Variants in STRBP observed in about 807,000 individuals in gnomAD.
STRBP encodes the protein spermatid perinuclear RNA binding protein, also known as spermatid perinuclear RNA-binding protein.
STRBP carries 13 observed loss-of-function variants against 80.1 expected under a neutral mutation model. The ratio of observed to expected loss-of-function variants is 0.16; its 90% CI spans 0.11 to 0.26. The LOEUF (loss-of-function observed/expected upper bound fraction) is 0.26. Among genes scored for constraint, STRBP ranks in the 10% least tolerant of loss-of-function variants. The pLI is 1.00. For synonymous variants in STRBP, 284 were observed against 291.2 expected, an observed-to-expected ratio of 0.98 and a Z score of 0.25; for missense variants, 485 against 815.2, an observed-to-expected ratio of 0.59 and a Z score of 4.93.
Position 123,124,532 on chromosome 9 carries a change from C to T in STRBP, c.*1065G>A. 4 of 985,334 alleles carry T rather than the reference C, an allele frequency of 4.1e-6. No individual in the cohort carries two copies. Among genetic ancestry groups the T allele is most frequent in the Non-Finnish European group, 4.8e-6 (4 of 829,918 alleles). 61.0% of individuals were successfully genotyped at this position (985,334 alleles called of 1,614,324 possible). A position where few individuals can be genotyped will look rare whatever the true frequency, so the allele number is the denominator to read the frequency against. On this transcript the variant is annotated 3_prime_UTR_variant, in exon 19 of 19. Coordinates refer to ENST00000348403, the MANE Select transcript of STRBP (RefSeq NM_018387.5). The stretch of plus-strand genomic sequence containing the variant: ...AGCACTCAACAAGAACTGGGACAAT[C>T]GAAGAGCAAGTTTTTATGGGGACCC...
At chr9:123,176,787 T>C (rs779706984) in intron 4 of STRBP, among the ~76,000 whole-genome samples, 5 of 152,208 alleles carry the variant, frequency 3.3e-5, no homozygotes, top group Non-Finnish European at 5.9e-5. Flanking sequence ...AATTGGAACA[T>C]AGCAGTTATT....
chr9:123,186,189 TAAC>T (rs1383805187), intron 2 of STRBP, among the ~76,000 whole-genome samples: 4 of 151,442 alleles, frequency 2.6e-5, no homozygotes, highest in Non-Finnish European at 4.4e-5. Flanking sequence ...CCAAAAAAAT[TAAC>T]AACAAATTAG....
rs746445927 is a variant in STRBP, at chr9:123,115,998, C to T, written c.*15G>A. ...CCTTAACCTTCTGGTCCTTCCATCT[C>T]ATTTCAAGGTGCTTTCAGCTTTCCT... On this transcript the variant is annotated 3_prime_UTR_variant and NMD_transcript_variant, in exon 3 of 4. Transcript: ENST00000471564. The surrounding 1 kb of genome is among the most constrained non-coding windows in gnomAD (Gnocchi z 5.0). The T allele has an allele frequency of 1.5e-5, 7 of 456,200 alleles. No homozygotes were observed. The highest frequency in any genetic ancestry group is 2.6e-5 in the Non-Finnish European group (6 of 226,972). 28.3% of individuals were successfully genotyped at this position (456,200 alleles called of 1,614,324 possible). A position where few individuals can be genotyped will look rare whatever the true frequency, so the allele number is the denominator to read the frequency against.
intron 2 of STRBP, among the ~76,000 whole-genome samples, chr9:123,235,127 T>C (rs1456518349): frequency 2.0e-5 from 3 of 151,752 alleles, no homozygotes; most frequent in Non-Finnish European, 4.4e-5. Flanking sequence ...CCTGAAAGTG[T>C]TTTTCCATCA....
chr9:123,256,701 A>G (rs1330985111), intron 1 of STRBP, among the ~76,000 whole-genome samples: 3 of 152,142 alleles, frequency 2.0e-5, no homozygotes, highest in Non-Finnish European at 4.4e-5. Context: ...CACCAATCCT[A>G]GACAGAACAC....
intron 2 of STRBP, among the ~76,000 whole-genome samples, chr9:123,206,547 G>A (rs776034842): frequency 1.3e-5 from 2 of 152,152 alleles, no homozygotes; most frequent in Non-Finnish European, 1.5e-5. Context: ...TATTGAAAAT[G>A]AATGACAGGG....
At chr9:123,268,173 G>A (rs1210216560) in intron 1 of STRBP, among the ~76,000 whole-genome samples, 2 of 151,852 alleles carry the variant, frequency 1.3e-5, no homozygotes, top group African/African-American at 4.8e-5. Context: ...CCCCGCGAAG[G>A]TGAGGAAGGC....
At chr9:123,242,557 G>A (rs1302099908) in intron 1 of STRBP, among the ~76,000 whole-genome samples, 3 of 152,168 alleles carry the variant, frequency 2.0e-5, no homozygotes, top group African/African-American at 7.2e-5. Flanking sequence ...CTACTCAGGA[G>A]GCTGAGGCAG....
chr9:123,251,985 T>A (rs970714149), intron 1 of STRBP, among the ~76,000 whole-genome samples: 3 of 152,064 alleles, frequency 2.0e-5, no homozygotes, highest in Non-Finnish European at 4.4e-5. Flanking sequence ...GGGATTGCTA[T>A]AAGGGAGCAA....
chr9:123,194,303 C>T (rs1394834607), intron 2 of STRBP, among the ~76,000 whole-genome samples: 2 of 152,002 alleles, frequency 1.3e-5, no homozygotes, highest in African/African-American at 4.8e-5. Context: ...ATGAACTGTC[C>T]CCATTCCTAT....
At chr9:123,139,387 C>A in intron 14 of STRBP, 142 bp downstream of exon 14, 3 of 711,694 alleles carry the variant, frequency 4.2e-6, no homozygotes, top group South Asian at 3.1e-5. Context: ...GGAAATAAAC[C>A]AAAATAATAA....
chr9:123,236,557 T>C (rs890549339), intron 2 of STRBP, among the ~76,000 whole-genome samples: 1 of 152,004 alleles, frequency 6.6e-6, no homozygotes, highest in East Asian at 1.9e-4. Flanking sequence ...ATGATAGTAA[T>C]TTGCCAGCAT....
At chr9:123,116,778 C>T (rs563124027), downstream of STRBP, among the ~76,000 whole-genome samples, 19 of 152,152 alleles carry the variant, frequency 1.2e-4, no homozygotes, top group African/African-American at 2.7e-4. Flanking sequence ...TAGCCTCAGA[C>T]GGGGTGAGCG....
At chr9:123,228,622 T>A (rs2040312514) in intron 2 of STRBP, among the ~76,000 whole-genome samples, 1 of 152,168 alleles carries the variant, frequency 6.6e-6, no homozygotes, top group Non-Finnish European at 1.5e-5. Flanking sequence ...CACTTTGATG[T>A]TACTAATGAC....
rs554065215 is a variant in STRBP, at chr9:123,157,928, C to G, written c.1045+84G>C. ...GATTTGGATGCACAATTATTAAGTT[C>G]CCTAAGTTGTAATGAGAGATGAATC... On this transcript the variant is annotated intron_variant, in intron 11 of 18. Coordinates refer to ENST00000348403, the MANE Select transcript of STRBP (RefSeq NM_018387.5). 11 of 1,001,988 alleles carry G rather than the reference C, an allele frequency of 1.1e-5. No homozygotes were observed. The South Asian group carries it at 1.6e-4, about 14-fold the overall frequency. The allele number at this position is 1,001,988 out of a possible 1,614,324, so 62.1% of individuals were successfully genotyped here.
chr9:123,250,637 T>A (rs539858416), intron 1 of STRBP, among the ~76,000 whole-genome samples: 32 of 152,332 alleles, frequency 2.1e-4, no homozygotes, highest in African/African-American at 7.7e-4. Flanking sequence ...GAATGAACCA[T>A]GTCAACACTG....
chr9:123,194,367 C>G (rs1439304397), intron 2 of STRBP, among the ~76,000 whole-genome samples: 1 of 152,140 alleles, frequency 6.6e-6, no homozygotes, highest in Non-Finnish European at 1.5e-5. Flanking sequence ...CTTTTGCCTA[C>G]TTGGGATGTC....
At chr9:123,200,762 TAG>T (rs2039295309) in intron 2 of STRBP, among the ~76,000 whole-genome samples, 14 of 133,544 alleles carry the variant, frequency 1.0e-4, no homozygotes, top group African/African-American at 2.6e-4. Context: ...TTTTTTTTTT[TAG>T]TAGAGACCAG....
chr9:123,113,286 CCT>C (rs2035596868), intron 3 of STRBP: 1 of 167,372 alleles, frequency 6.0e-6, no homozygotes, highest in Admixed American at 6.5e-5. Context: ...AGTCCACACC[CCT>C]GAGCCTGGCC....
Sources: gnomAD v4.1 joint callset for allele counts (sites outside exome capture counted in the v4.1 genomes callset) on GRCh38, gnomAD v4.1.1 for gene constraint, Gnocchi (gnomAD v3.1) non-coding constraint, MANE v1.5 for transcripts, NCBI Gene and HGNC (gene_info 2026-07-23, HGNC 2026-07-21) for gene names.